DIP2C: variants seen among roughly 807,000 people sequenced by gnomAD.
The protein encoded by DIP2C is DIP2 acetate--CoA ligase C (putative), also known as disco-interacting protein 2 homolog C.
In DIP2C, 33 loss-of-function variants were observed where a neutral mutation model predicts 192.4. The ratio of observed to expected loss-of-function variants is 0.17; its 90% CI spans 0.13 to 0.23. The LOEUF is 0.23. Ranked by LOEUF, DIP2C falls within the 10% of genes least tolerant of loss-of-function variation. The pLI, the probability that DIP2C is intolerant of heterozygous loss-of-function variation, is 1.00. For synonymous variants in DIP2C, 979 were observed against 864.1 expected, an observed-to-expected ratio of 1.13 and a Z score of -2.33; for missense variants, 1,537 against 2,110.1, an observed-to-expected ratio of 0.73 and a Z score of 5.32.
chr10:564,874 G>C (rs754343050), intron 1 of DIP2C, among the ~76,000 whole-genome samples: 1 of 152,162 alleles, frequency 6.6e-6, no homozygotes, highest in Non-Finnish European at 1.5e-5. Flanking sequence ...TGACTTCCTA[G>C]AAGACTCACA....
intron 3 of DIP2C, among the ~76,000 whole-genome samples, chr10:445,431 C>T (rs1271805144): frequency 6.7e-6 from 1 of 149,818 alleles, no homozygotes; most frequent in Non-Finnish European, 1.5e-5. Flanking sequence ...TTGCACTGGA[C>T]ATCTGTATAT....
At chr10:301,478 T>C (rs568166623) in intron 32 of DIP2C, among the ~76,000 whole-genome samples, 5 of 152,154 alleles carry the variant, frequency 3.3e-5, no homozygotes, top group Non-Finnish European at 7.3e-5. Flanking sequence ...ATTCGCTGCT[T>C]GTCTCATTTA....
At chr10:633,439 C>T (rs565889399) in intron 1 of DIP2C, among the ~76,000 whole-genome samples, 2 of 152,092 alleles carry the variant, frequency 1.3e-5, no homozygotes, top group Admixed American at 1.3e-4. Flanking sequence ...AGAGCGGACG[C>T]GGGGAGTCCG....
intron 4 of DIP2C, among the ~76,000 whole-genome samples, chr10:436,627 G>A (rs1217431727): frequency 6.7e-6 from 1 of 150,346 alleles, no homozygotes; most frequent in Non-Finnish European, 1.5e-5. Flanking sequence ...TCCACCTCCT[G>A]GACGTGGTAG....
Position 370,686 on chromosome 10 carries a change from G to A in DIP2C, c.1992-1053C>T, listed in dbSNP as rs115135621. On this transcript the variant is annotated intron_variant, in intron 17 of 36. Transcript: ENST00000280886. ...TCCTGAAAACTAACAATTCCTCAAC[G>A]GTTATCTAAGTGAGTCACCACAATT... 7.6e-3 allele frequency among the ~76,000 whole-genome samples: 1,156 copies of A among 152,228 alleles called. 9 individuals are homozygous for A. Among genetic ancestry groups the A allele is most frequent in the African/African-American group, 0.027 (1,107 of 41,534 alleles).
chr10:304,802 T>C (rs531184715), intron 32 of DIP2C, among the ~76,000 whole-genome samples: 2 of 150,326 alleles, frequency 1.3e-5, no homozygotes, highest in South Asian at 2.1e-4. Context: ...TGCACACACA[T>C]GCACATGGGA....
At chr10:524,175 G>A (rs1846910390) in intron 1 of DIP2C, among the ~76,000 whole-genome samples, 1 of 152,178 alleles carries the variant, frequency 6.6e-6, no homozygotes, top group South Asian at 2.1e-4. Context: ...CTACCCCAGG[G>A]AGGCTGGAAC....
At chr10:534,665 A>ATTTT (rs1185714723) in intron 1 of DIP2C, among the ~76,000 whole-genome samples, 1 of 123,834 alleles carries the variant, frequency 8.1e-6, no homozygotes, top group Non-Finnish European at 1.7e-5. Context: ...CTGCTGGATG[A>ATTTT]TTATTATTTT....
chr10:469,945 C>T (rs553529449), intron 3 of DIP2C, among the ~76,000 whole-genome samples: 7 of 152,262 alleles, frequency 4.6e-5, no homozygotes, highest in Admixed American at 1.3e-4. Context: ...ATGAACAGAA[C>T]AGAGATCCTG....
rs1286606861 is a variant in DIP2C at position 422,900 on chromosome 10, G to GGTGGTGGAC, written c.519_527dup (p.Thr175_Ser177dup). On this transcript the variant is annotated inframe_insertion, in exon 5 of 37. Coordinates refer to ENST00000280886, the MANE Select transcript of DIP2C (RefSeq NM_014974.3). ...CCCCGCTCTGCGTAGAGGACGAGGA[G>GGTGGTGGAC]GTGGTGGACGTGGTGGAGCCGTGGA... 7 of 1,613,980 alleles carry GGTGGTGGAC rather than the reference G, an allele frequency of 4.3e-6. No homozygotes were observed. The highest frequency in any genetic ancestry group is 1.7e-5 in the Admixed American group (1 of 60,036).
At chr10:617,307 T>C (rs1046357404) in intron 1 of DIP2C, among the ~76,000 whole-genome samples, 9 of 152,066 alleles carry the variant, frequency 5.9e-5, no homozygotes, top group Non-Finnish European at 5.9e-5. Context: ...AGGGCCAACG[T>C]CCTGGCTGAG....
rs1410540080 is a variant in DIP2C, at chr10:484,620, G to A, written c.157+1839C>T. 2.6e-5 allele frequency among the ~76,000 whole-genome samples: 4 copies of A among 152,204 alleles called. No individual in the cohort carries two copies. In the East Asian group the frequency reaches 7.7e-4, roughly 29 times the overall value. ...TTCACAGGGACAGACCTGGTCTCTGGCGAGCTCTGGGCCTGTGGAGCGACC... is the reference window on the plus strand; with the variant it reads ...TTCACAGGGACAGACCTGGTCTCTGACGAGCTCTGGGCCTGTGGAGCGACC... On this transcript the variant is annotated intron_variant, in intron 2 of 36. Transcript: ENST00000280886.
chr10:311,854 T>C (rs1015210271), intron 31 of DIP2C, among the ~76,000 whole-genome samples: 2 of 152,324 alleles, frequency 1.3e-5, no homozygotes, highest in African/African-American at 4.8e-5. Context: ...AGCAGGTGAC[T>C]AACCACGGCG....
chr10:527,180 C>A (rs565459138), intron 1 of DIP2C, among the ~76,000 whole-genome samples: 2 of 152,208 alleles, frequency 1.3e-5, no homozygotes, highest in Non-Finnish European at 2.9e-5. Context: ...GGCCCCGTAC[C>A]GTGCGAAGTG....
At chr10:298,881 G>A (rs1955883685) in intron 32 of DIP2C, among the ~76,000 whole-genome samples, 1 of 152,140 alleles carries the variant, frequency 6.6e-6, no homozygotes, top group African/African-American at 2.4e-5. Flanking sequence ...GTCCAACTTG[G>A]TTTCCGTCAC....
At chr10:408,328 G>A (rs1964956490) in intron 9 of DIP2C, among the ~76,000 whole-genome samples, 1 of 152,064 alleles carries the variant, frequency 6.6e-6, no homozygotes, top group Non-Finnish European at 1.5e-5. Flanking sequence ...GTACCACATT[G>A]TTGTGATTAT....
At chr10:332,829 T>C (rs992569973) in intron 29 of DIP2C, among the ~76,000 whole-genome samples, 3 of 152,234 alleles carry the variant, frequency 2.0e-5, no homozygotes, top group Non-Finnish European at 4.4e-5. Context: ...TCCTGGGTCA[T>C]ACCCTGTCTG....
intron 1 of DIP2C, among the ~76,000 whole-genome samples, chr10:512,944 A>AAAG (rs1491422319): frequency 1.3e-5 from 2 of 148,868 alleles, no homozygotes; most frequent in African/African-American, 2.5e-5. Flanking sequence ...AAAAAAAAAA[A>AAAG]GGGAGCTAAT....
intron 1 of DIP2C, among the ~76,000 whole-genome samples, chr10:532,394 C>T (rs1341169299): frequency 1.3e-5 from 2 of 152,174 alleles, no homozygotes; most frequent in African/African-American, 4.8e-5. Flanking sequence ...CAGGTGGTCC[C>T]AGCAAAACTG....
Sources: gnomAD v4.1 joint callset for allele counts (sites outside exome capture counted in the v4.1 genomes callset) on GRCh38, gnomAD v4.1.1 for gene constraint, MANE v1.5 for transcripts, NCBI Gene and HGNC (gene_info 2026-07-23, HGNC 2026-07-21) for gene names.